NPAS3: variants seen among roughly 807,000 people sequenced by gnomAD.
NPAS3 encodes the protein neuronal PAS domain protein 3.
Under a neutral mutation model 73.1 loss-of-function variants are expected in NPAS3, and 14 were observed. That is an observed-to-expected ratio of 0.19 (90% CI 0.13 to 0.30). The LOEUF (loss-of-function observed/expected upper bound fraction) is 0.30. NPAS3 is among the 10% of genes least tolerant of loss of function. NPAS3 has a pLI of 1.00. For missense variants in NPAS3, 1,096 were observed against 1,250.0 expected, an observed-to-expected ratio of 0.88 and a Z score of 1.86; for synonymous variants, 620 against 541.5, an observed-to-expected ratio of 1.14 and a Z score of -2.01.
At chr14:33,287,419 G>T (rs1185463025) in intron 3 of NPAS3, among the ~76,000 whole-genome samples, 1 of 152,024 alleles carries the variant, frequency 6.6e-6, no homozygotes, top group Admixed American at 6.5e-5. Flanking sequence ...GGGAAGGTGG[G>T]GGTGTGAGCA....
At chr14:33,317,007 C>G (rs1407614037) in intron 3 of NPAS3, among the ~76,000 whole-genome samples, 1 of 152,046 alleles carries the variant, frequency 6.6e-6, no homozygotes, top group Non-Finnish European at 1.5e-5. Flanking sequence ...TTTCGTAAAG[C>G]ATGCTCCTTC....
chr14:33,280,675 A>G (rs772045615), intron 3 of NPAS3, among the ~76,000 whole-genome samples: 2 of 152,242 alleles, frequency 1.3e-5, no homozygotes, highest in Non-Finnish European at 2.9e-5. Context: ...GGCCAATAAT[A>G]TGTTGTCAAG....
At chr14:33,695,502 C>T (rs570082383) in intron 6 of NPAS3, among the ~76,000 whole-genome samples, 1 of 152,272 alleles carries the variant, frequency 6.6e-6, no homozygotes, top group East Asian at 1.9e-4. Context: ...AATCAGACTT[C>T]ACATTGTCAA....
chr14:33,404,476 T>C (rs1188109813), intron 4 of NPAS3, among the ~76,000 whole-genome samples: 3 of 152,082 alleles, frequency 2.0e-5, no homozygotes, highest in African/African-American at 7.2e-5. Context: ...CATTTTTAAT[T>C]CTTTTTTTCC....
At chr14:33,072,233 C>T (rs529236333) in intron 2 of NPAS3, among the ~76,000 whole-genome samples, 8 of 152,256 alleles carry the variant, frequency 5.3e-5, no homozygotes, top group South Asian at 2.1e-4. Flanking sequence ...TTTTAAATAA[C>T]GGTGGCAAAT....
rs1251272727 is a variant in NPAS3, at chr14:33,068,273, T to G, written c.140+12279T>G. 3.9e-5 allele frequency among the ~76,000 whole-genome samples: 6 copies of G among 152,238 alleles called. 1 individual carries two copies. Among genetic ancestry groups the G allele is most frequent in the Non-Finnish European group, 8.8e-5 (6 of 68,048 alleles). On this transcript the variant is annotated intron_variant, in intron 2 of 11. Coordinates refer to ENST00000356141, the Ensembl canonical transcript of NPAS3. Reference sequence around the variant, plus strand: ...TTACCAGTGTAGCTCCATTCTGCCTTTCAGCCTCCCTATAACACCAGACAT... The same window carrying G: ...TTACCAGTGTAGCTCCATTCTGCCTGTCAGCCTCCCTATAACACCAGACAT...
intron 5 of NPAS3, among the ~76,000 whole-genome samples, chr14:33,601,249 G>A (rs1409140993): frequency 6.6e-6 from 1 of 152,154 alleles, no homozygotes; most frequent in Non-Finnish European, 1.5e-5. Flanking sequence ...AGTTGTTGAG[G>A]GAGGATAATT....
At chr14:33,285,497 C>G (rs1438378595) in intron 3 of NPAS3, among the ~76,000 whole-genome samples, 1 of 152,162 alleles carries the variant, frequency 6.6e-6, no homozygotes, top group African/African-American at 2.4e-5. Context: ...GGCCAACAGT[C>G]AACAACAATG....
chr14:33,292,751 T>C (rs749970198), intron 3 of NPAS3, among the ~76,000 whole-genome samples: 12 of 152,212 alleles, frequency 7.9e-5, no homozygotes, highest in Admixed American at 2.6e-4. Flanking sequence ...ACCCTTCTTT[T>C]CATGGGGCAC....
At chr14:33,584,400 T>TAA (rs1567029514) in intron 5 of NPAS3, among the ~76,000 whole-genome samples, 4 of 69,052 alleles carry the variant, frequency 5.8e-5, no homozygotes, top group South Asian at 3.4e-4. Context: ...GGATGTTTAT[T>TAA]TAAAAAAAAA....
chr14:33,215,880 T>A (rs982871423), intron 3 of NPAS3, among the ~76,000 whole-genome samples: 19 of 152,224 alleles, frequency 1.2e-4, no homozygotes, highest in Admixed American at 1.0e-3. Context: ...TATTGACCAA[T>A]GAAAATCAAT....
chr14:33,246,165 C>G (rs373657112), intron 3 of NPAS3, among the ~76,000 whole-genome samples: 4 of 152,002 alleles, frequency 2.6e-5, no homozygotes, highest in African/African-American at 9.7e-5. Context: ...AGACTGTTAG[C>G]GCCCACCTCA....
At chr14:33,443,490 G>C (rs925528702) in intron 4 of NPAS3, among the ~76,000 whole-genome samples, 2 of 152,152 alleles carry the variant, frequency 1.3e-5, no homozygotes, top group African/African-American at 4.8e-5. Context: ...AGCACCAGTA[G>C]GGAATCCAGT....
At chr14:33,439,100 A>T (rs79184206) in intron 4 of NPAS3, among the ~76,000 whole-genome samples, 1 of 61,144 alleles carries the variant, frequency 1.6e-5, no homozygotes, top group Admixed American at 1.5e-4. Context: ...ACCTGTCTTT[A>T]AAAAAAAAAA....
intron 6 of NPAS3, among the ~76,000 whole-genome samples, chr14:33,709,013 G>A (rs1230996339): frequency 1.3e-5 from 2 of 152,144 alleles, no homozygotes; most frequent in East Asian, 1.9e-4. Flanking sequence ...CTGAGAGATT[G>A]GATCTATTAC....
intron 2 of NPAS3, among the ~76,000 whole-genome samples, chr14:33,146,266 G>C (rs1396777394): frequency 6.6e-6 from 1 of 152,188 alleles, no homozygotes; most frequent in African/African-American, 2.4e-5. Context: ...GGGGAAGCAT[G>C]AGCTTCAGAG....
At chr14:33,376,201 T>C (rs10138101) in intron 4 of NPAS3, among the ~76,000 whole-genome samples, 6,940 of 152,176 alleles carry the variant, frequency 0.046, 549 homozygotes, top group African/African-American at 0.16. Context: ...AAAGTATAAT[T>C]TCTTATTCAA....
chr14:33,638,824 G>A (rs2140171165), intron 5 of NPAS3, among the ~76,000 whole-genome samples: 1 of 152,318 alleles, frequency 6.6e-6, no homozygotes, highest in African/African-American at 2.4e-5. Context: ...GATTTCTTCT[G>A]ACAGCCATGA....
intron 4 of NPAS3, among the ~76,000 whole-genome samples, chr14:33,427,748 CAGA>C (rs1399395678): frequency 1.3e-5 from 2 of 152,028 alleles, no homozygotes; most frequent in Non-Finnish European, 2.9e-5. Flanking sequence ...TCCTAACACT[CAGA>C]AGAAGGGCTG....
Sources: allele counts gnomAD v4.1 joint callset (sites outside exome capture counted in the v4.1 genomes callset), GRCh38; gene constraint gnomAD v4.1.1; transcripts MANE v1.5; gene names NCBI Gene and HGNC (gene_info 2026-07-23, HGNC 2026-07-21).